SAMD12: variants seen among roughly 807,000 people sequenced by gnomAD.
The protein encoded by SAMD12 is sterile alpha motif domain-containing protein 12.
Under a neutral mutation model 15.0 loss-of-function variants are expected in SAMD12, and 9 were observed. The observed-to-expected ratio is 0.60, with a 90% confidence interval of 0.36 to 1.05. The LOEUF (loss-of-function observed/expected upper bound fraction) is 1.05, where lower values mean the gene tolerates loss of function less well. SAMD12 is among the 50% of genes least tolerant of loss of function. SAMD12 has a pLI of 0.01. For missense variants in SAMD12, 230 were observed against 234.2 expected (o/e 0.98, Z 0.12); for synonymous variants, 86 against 90.1 (o/e 0.96, Z 0.25).
chr8:118,334,044 C>T (rs1486689125), intron 4 of SAMD12, among the ~76,000 whole-genome samples: 1 of 152,032 alleles, frequency 6.6e-6, no homozygotes, highest in East Asian at 1.9e-4. Context: ...AACCAATAAT[C>T]CTCTTTCAAG....
intron 2 of SAMD12, among the ~76,000 whole-genome samples, chr8:118,462,675 G>GA (rs1311566868): frequency 1.3e-5 from 2 of 152,178 alleles, no homozygotes; most frequent in Non-Finnish European, 2.9e-5. Context: ...CACCACAGCT[G>GA]AAAGTAAGGA....
In SAMD12 at chr8:118,335,510, AC is replaced by A. The variant is rs780186946; in HGVS notation, c.433+44049del. On this transcript the variant is annotated intron_variant, in intron 4 of 4. Transcript: ENST00000409003. ...TTCAGGAACTACTGATTCTCCCACAACCTGGTGTGACACACTAAATGCTTTC... is the reference window on the plus strand; with the variant it reads ...TTCAGGAACTACTGATTCTCCCACAACTGGTGTGACACACTAAATGCTTTC... 6.6e-4 allele frequency among the ~76,000 whole-genome samples: 101 copies of A among 152,212 alleles called. 1 individual carries two copies. The Middle Eastern group carries it at 0.01, about 15-fold the overall frequency.
intron 2 of SAMD12, among the ~76,000 whole-genome samples, chr8:118,451,756 C>G (rs936713917): frequency 6.6e-6 from 1 of 152,070 alleles, no homozygotes; most frequent in African/African-American, 2.4e-5. Flanking sequence ...GAATCCATTA[C>G]GGTAGGGGGT....
intron 4 of SAMD12, among the ~76,000 whole-genome samples, chr8:118,317,453 G>A (rs747490144): frequency 2.0e-5 from 3 of 152,236 alleles, no homozygotes; most frequent in Admixed American, 6.5e-5. Flanking sequence ...TTTGAGTAAC[G>A]AATAAATGAT....
intron 2 of SAMD12, among the ~76,000 whole-genome samples, chr8:118,553,021 G>A (rs1826396503): frequency 6.6e-6 from 1 of 151,992 alleles, no homozygotes; most frequent in Admixed American, 6.6e-5. Context: ...ACTGCTCAAG[G>A]AAATAAAAGA....
intron 2 of SAMD12, among the ~76,000 whole-genome samples, chr8:118,530,493 T>A (rs1368167548): frequency 3.3e-5 from 5 of 152,204 alleles, no homozygotes; most frequent in Admixed American, 3.3e-4. Context: ...ATTGTATTAG[T>A]TCACTTAGGA....
intron 4 of SAMD12, among the ~76,000 whole-genome samples, chr8:118,320,679 G>GC (rs1303802440): frequency 6.8e-6 from 1 of 146,318 alleles, no homozygotes; most frequent in African/African-American, 2.6e-5. Flanking sequence ...GGGTGGGGGG[G>GC]GTGGGGAGGG....
chr8:118,151,567 G>A, the SAMD12 span, among the ~76,000 whole-genome samples: 3 of 152,054 alleles, frequency 2.0e-5, no homozygotes, highest in African/African-American at 7.2e-5. Flanking sequence ...GGTGGCTCAC[G>A]CCTGTAATCC....
the SAMD12 span, among the ~76,000 whole-genome samples, chr8:118,167,182 C>G: frequency 6.6e-6 from 1 of 151,942 alleles, no homozygotes; most frequent in Non-Finnish European, 1.5e-5. Context: ...CTTACTCCCC[C>G]CAGCCCCCCG....
chr8:118,340,801 T>G (rs1817322119), intron 4 of SAMD12, among the ~76,000 whole-genome samples: 1 of 152,192 alleles, frequency 6.6e-6, no homozygotes, highest in East Asian at 1.9e-4. Context: ...GTATACACAA[T>G]TCAAGGTTCT....
At chr8:118,585,095 TAATGA>T (rs1173230388) in intron 1 of SAMD12, among the ~76,000 whole-genome samples, 8 of 152,168 alleles carry the variant, frequency 5.3e-5, no homozygotes, top group African/African-American at 1.7e-4. Flanking sequence ...GTGATACATA[TAATGA>T]AATATTTTGC....
intron 4 of SAMD12, among the ~76,000 whole-genome samples, chr8:118,273,707 G>A (rs1813416813): frequency 6.6e-6 from 1 of 152,122 alleles, no homozygotes; most frequent in South Asian, 2.1e-4. Context: ...GGGCGGAGGG[G>A]TTGATTCAAT....
chr8:118,413,189 T>G (rs970270822), intron 3 of SAMD12, among the ~76,000 whole-genome samples: 1 of 152,178 alleles, frequency 6.6e-6, no homozygotes, highest in African/African-American at 2.4e-5. Flanking sequence ...AAATGTAGCC[T>G]AAATCACCAG....
At chr8:118,320,678 G>GC (rs1310252830) in intron 4 of SAMD12, among the ~76,000 whole-genome samples, 1 of 147,368 alleles carries the variant, frequency 6.8e-6, no homozygotes, top group African/African-American at 2.5e-5. Flanking sequence ...GGGGTGGGGG[G>GC]GGTGGGGAGG....
At chr8:118,448,416 T>A (rs1234871372) in intron 2 of SAMD12, among the ~76,000 whole-genome samples, 1 of 152,236 alleles carries the variant, frequency 6.6e-6, no homozygotes, top group Non-Finnish European at 1.5e-5. Flanking sequence ...GACAAGGGTC[T>A]TTCTTAATTT....
chr8:118,533,166 A>T (rs1825737014), intron 2 of SAMD12, among the ~76,000 whole-genome samples: 1 of 152,104 alleles, frequency 6.6e-6, no homozygotes, highest in Non-Finnish European at 1.5e-5. Context: ...TTCAAAGAAC[A>T]TCTTTATTTC....
At chr8:118,375,422 A>G (rs946425287), downstream of SAMD12, among the ~76,000 whole-genome samples, 1 of 152,162 alleles carries the variant, frequency 6.6e-6, no homozygotes, top group Non-Finnish European at 1.5e-5. Context: ...TTAAGCCTTA[A>G]GTGGGTAAGT....
At chr8:118,348,399 A>G (rs920648559) in intron 4 of SAMD12, among the ~76,000 whole-genome samples, 88 of 148,084 alleles carry the variant, frequency 5.9e-4, no homozygotes, top group African/African-American at 2.1e-3. Context: ...GAGATGGAGT[A>G]TCGCTCTGTT....
chr8:118,383,596 A>G (rs148882389), intron 3 of SAMD12, among the ~76,000 whole-genome samples: 15 of 152,142 alleles, frequency 9.9e-5, no homozygotes, highest in Non-Finnish European at 2.1e-4. Context: ...TCCTCTGCCA[A>G]TACAGAGAAG....
Sources: gnomAD v4.1 joint callset for allele counts (sites outside exome capture counted in the v4.1 genomes callset) on GRCh38, gnomAD v4.1.1 for gene constraint, MANE v1.5 for transcripts, NCBI Gene and HGNC (gene_info 2026-07-23, HGNC 2026-07-21) for gene names.